LARGE1: variants seen among roughly 807,000 people sequenced by gnomAD.
LARGE1 encodes xylosyl- and glucuronyltransferase LARGE1.
A neutral mutation model predicts 87.6 loss-of-function variants in LARGE1; 43 were observed. The observed-to-expected ratio is 0.49, with a 90% CI of 0.38 to 0.63. The LOEUF is 0.63. LARGE1 is among the 30% of genes least tolerant of loss of function. The pLI, the probability that LARGE1 is intolerant of heterozygous loss-of-function variation, is 0.00. For synonymous variants in LARGE1, 434 were observed against 394.6 expected (o/e 1.10, Z -1.18); for missense variants, 802 against 1,000.2 (o/e 0.80, Z 2.67).
At chr22:33,569,817 C>T (rs569561987) in intron 5 of LARGE1, among the ~76,000 whole-genome samples, 1 of 152,328 alleles carries the variant, frequency 6.6e-6, no homozygotes, top group Admixed American at 6.5e-5. Flanking sequence ...ATTTTCCATG[C>T]CCCTCTCCTG....
chr22:33,887,507 C>A (rs114369852), intron 1 of LARGE1, among the ~76,000 whole-genome samples: 2,750 of 152,200 alleles, frequency 0.018, 92 homozygotes, highest in African/African-American at 0.064. Context: ...GAGACCGAGG[C>A]GGGTGGATAA....
intron 1 of LARGE1, among the ~76,000 whole-genome samples, chr22:33,903,566 C>A (rs2065347935): frequency 6.6e-6 from 1 of 152,178 alleles, no homozygotes; most frequent in African/African-American, 2.4e-5. Flanking sequence ...GTGGCTCACG[C>A]CTGTAATCTC....
At chr22:33,459,428 G>T (rs1023231127) in intron 6 of LARGE1, among the ~76,000 whole-genome samples, 2 of 147,768 alleles carry the variant, frequency 1.4e-5, no homozygotes, top group Admixed American at 6.8e-5. Flanking sequence ...AACAAAGCTC[G>T]CTCGCTCTCT....
intron 9 of LARGE1, among the ~76,000 whole-genome samples, chr22:33,355,387 C>G (rs1601565725): frequency 6.6e-6 from 1 of 152,326 alleles, no homozygotes; most frequent in Middle Eastern, 3.4e-3. Flanking sequence ...TAAGTGTCTT[C>G]AAACCCTTGC....
chr22:33,428,065 C>A (rs2066940024), intron 7 of LARGE1, among the ~76,000 whole-genome samples: 1 of 152,126 alleles, frequency 6.6e-6, no homozygotes, highest in Admixed American at 6.5e-5. Context: ...TGGATTACAC[C>A]TGGGGAAAGT....
At chr22:33,626,201 C>CCTG (rs770462028) in intron 4 of LARGE1, 43 bp downstream of exon 4, 1 of 1,522,640 alleles carries the variant, frequency 6.6e-7, no homozygotes, top group Non-Finnish European at 9.1e-7. Flanking sequence ...CACAGGCAGG[C>CCTG]AGTGACAGAC....
chr22:33,498,082 G>C (rs1430539751), intron 6 of LARGE1, among the ~76,000 whole-genome samples: 1 of 151,874 alleles, frequency 6.6e-6, no homozygotes, highest in Non-Finnish European at 1.5e-5. Flanking sequence ...ACGGGGTTTC[G>C]GCATGTTGGT....
rs541265027 is a variant in LARGE1 at position 33,296,120 on chromosome 22, G to C, written c.1730+8109C>G. ...CCCACTGTCCTGATGTTTACTGTTA[G>C]TAATAATAGCTAAACGTTGTAGAGC... On this transcript the variant is annotated intron_variant, in intron 12 of 14. Coordinates refer to ENST00000397394, the MANE Select transcript of LARGE1 (RefSeq NM_133642.5). Among the ~76,000 whole-genome samples the C allele has an allele frequency of 1.6e-4, 24 of 152,326 alleles. No individual in the cohort carries two copies. The South Asian group carries it at 5.0e-3, about 32-fold the overall frequency.
intron 2 of LARGE1, among the ~76,000 whole-genome samples, chr22:33,656,095 A>G (rs190744470): frequency 6.6e-6 from 1 of 152,202 alleles, no homozygotes; most frequent in Admixed American, 6.5e-5. Context: ...ACACACACAA[A>G]TATTACTTCA....
At chr22:33,078,098 C>T in the LARGE1 span, among the ~76,000 whole-genome samples, 806 of 152,132 alleles carry the variant, frequency 5.3e-3, 4 homozygotes, top group African/African-American at 0.018. Flanking sequence ...CAATTTTCTC[C>T]GGTGATTTCT....
At chr22:33,500,055 GT>G (rs1279349449) in intron 6 of LARGE1, among the ~76,000 whole-genome samples, 1 of 152,202 alleles carries the variant, frequency 6.6e-6, no homozygotes, top group Non-Finnish European at 1.5e-5. Flanking sequence ...ATTACAAGGC[GT>G]GAGTCACCAC....
At chr22:33,354,923 T>C (rs1038225850) in intron 9 of LARGE1, among the ~76,000 whole-genome samples, 4 of 152,222 alleles carry the variant, frequency 2.6e-5, no homozygotes, top group African/African-American at 9.6e-5. Flanking sequence ...TGTTTAAACA[T>C]ATGAATACTT....
At chr22:33,123,475 G>C in the LARGE1 span, among the ~76,000 whole-genome samples, 1 of 152,180 alleles carries the variant, frequency 6.6e-6, no homozygotes, top group South Asian at 2.1e-4. Flanking sequence ...CCCATGTCTA[G>C]TAAGGATTTC....
intron 11 of LARGE1, among the ~76,000 whole-genome samples, chr22:33,246,275 T>G (rs1410353395): frequency 6.6e-6 from 1 of 152,206 alleles, no homozygotes; most frequent in Non-Finnish European, 1.5e-5. Flanking sequence ...ACCATACTAG[T>G]CAAAGCTTTT....
At chr22:33,722,967 G>A (rs567824329) in intron 2 of LARGE1, among the ~76,000 whole-genome samples, 5 of 152,090 alleles carry the variant, frequency 3.3e-5, no homozygotes, top group African/African-American at 4.8e-5. Context: ...CCTGGAATGC[G>A]GTAAGTGAGC....
chr22:33,871,295 G>T (rs964307755), intron 1 of LARGE1, among the ~76,000 whole-genome samples: 5 of 152,188 alleles, frequency 3.3e-5, no homozygotes, highest in Admixed American at 2.6e-4. Flanking sequence ...AGCAGACAGA[G>T]TAAAATAAAG....
chr22:33,693,247 C>T (rs188006694), intron 2 of LARGE1, among the ~76,000 whole-genome samples: 33 of 152,132 alleles, frequency 2.2e-4, no homozygotes, highest in South Asian at 1.2e-3. Flanking sequence ...GACTCAGAAG[C>T]GGGAAAGCTG....
chr22:33,884,331 T>G (rs2064783501), intron 1 of LARGE1, among the ~76,000 whole-genome samples: 2 of 152,228 alleles, frequency 1.3e-5, no homozygotes, highest in Admixed American at 1.3e-4. Context: ...CACTGTACGT[T>G]GACCCTCTTT....
At chr22:33,645,375 A>T (rs2080575629) in intron 3 of LARGE1, among the ~76,000 whole-genome samples, 1 of 152,228 alleles carries the variant, frequency 6.6e-6, no homozygotes. Context: ...GGTGCTGGAA[A>T]AACTGGCTAG....
Sources: gnomAD v4.1 joint callset for allele counts (sites outside exome capture counted in the v4.1 genomes callset) on GRCh38, gnomAD v4.1.1 for gene constraint, MANE v1.5 for transcripts, NCBI Gene and HGNC (gene_info 2026-07-23, HGNC 2026-07-21) for gene names.